The following SPTSSA variants were observed in gnomAD, a reference collection of about 807,000 sequenced individuals.
SPTSSA encodes the protein small subunit of serine palmitoyltransferase A.
SPTSSA carries 8 observed loss-of-function variants against 9.1 expected under a neutral mutation model. The observed-to-expected ratio is 0.88, with a 90% confidence interval of 0.51 to 1.58. The LOEUF (loss-of-function observed/expected upper bound fraction) is 1.58, where lower values mean the gene tolerates loss of function less well. Among genes scored for constraint, SPTSSA ranks in the 40% most tolerant of loss-of-function variants. The pLI, the probability that SPTSSA is intolerant of heterozygous loss-of-function variation, is 0.00. For missense variants in SPTSSA, 100 were observed against 93.8 expected, an observed-to-expected ratio of 1.07 and a Z score of -0.27; for synonymous variants, 42 against 37.7, an observed-to-expected ratio of 1.11 and a Z score of -0.41.
chr14:34,462,087 A>C lies in SPTSSA; in HGVS notation c.112+9T>G. On this transcript the variant is annotated intron_variant, in intron 1 of 1. Transcript: ENST00000298130. ...CCCGGCCCCCGCGCGCGCGGCCGGG[A>C]CAGGATACTGAACACCGTCCGCTCC... 2.1e-6 allele frequency: 3 copies of C among 1,448,758 alleles called. No homozygotes were observed. The highest frequency in any genetic ancestry group is 2.8e-6 in the Non-Finnish European group (3 of 1,089,184). 89.7% of individuals were successfully genotyped at this position (1,448,758 alleles called of 1,614,324 possible).
intron 1 of SPTSSA, among the ~76,000 whole-genome samples, chr14:34,446,357 T>C (rs1883422545): frequency 6.6e-6 from 1 of 152,228 alleles, no homozygotes; most frequent in Non-Finnish European, 1.5e-5. Flanking sequence ...GACTTTACTA[T>C]CATGAAACTC....
At chr14:34,452,088 A>C (rs973105853) in intron 1 of SPTSSA, among the ~76,000 whole-genome samples, 4 of 151,992 alleles carry the variant, frequency 2.6e-5, no homozygotes, top group African/African-American at 9.7e-5. Flanking sequence ...CAGACCAAAA[A>C]AAATACAAAA....
chr14:34,448,467 C>A (rs557624050), intron 1 of SPTSSA, among the ~76,000 whole-genome samples: 1 of 152,118 alleles, frequency 6.6e-6, no homozygotes, highest in African/African-American at 2.4e-5. Context: ...GAACATCAGG[C>A]CGATTCACAC....
intron 1 of SPTSSA, among the ~76,000 whole-genome samples, chr14:34,443,196 GGGGTGT>G (rs1278578389): frequency 0.012 from 197 of 16,780 alleles, 33 homozygotes; most frequent in Middle Eastern, 0.2. Flanking sequence ...TTTCCTCTAG[GGGGTGT>G]GTGTGTGTGT....
intron 1 of SPTSSA, among the ~76,000 whole-genome samples, chr14:34,441,831 ATT>A (rs113214812): frequency 0.02 from 2,884 of 141,220 alleles, 97 homozygotes; most frequent in African/African-American, 0.07. Context: ...GTCTTTTTCC[ATT>A]TTTTTTTTTC....
intron 1 of SPTSSA, among the ~76,000 whole-genome samples, chr14:34,443,843 C>T (rs1371070272): frequency 2.0e-5 from 3 of 151,994 alleles, no homozygotes; most frequent in African/African-American, 7.2e-5. Flanking sequence ...GCTGAGTATA[C>T]TTTCATAAAT....
intron 1 of SPTSSA, among the ~76,000 whole-genome samples, chr14:34,461,386 A>G (rs568179165): frequency 6.7e-6 from 1 of 149,724 alleles, no homozygotes; most frequent in South Asian, 2.1e-4. Context: ...TGCTTATAGT[A>G]ACCACTCAAT....
intron 1 of SPTSSA, among the ~76,000 whole-genome samples, chr14:34,448,634 C>T (rs997495721): frequency 1.3e-5 from 2 of 152,170 alleles, no homozygotes; most frequent in Admixed American, 6.5e-5. Context: ...TGTAACCGGG[C>T]CTTTGAGCCC....
intron 1 of SPTSSA, among the ~76,000 whole-genome samples, chr14:34,456,630 G>A (rs941531900): frequency 1.3e-5 from 2 of 152,038 alleles, no homozygotes; most frequent in Non-Finnish European, 2.9e-5. Flanking sequence ...AGGCGCGGTA[G>A]CTCATGCCTG....
At chr14:34,451,021 A>ATT (rs770553832) in intron 1 of SPTSSA, among the ~76,000 whole-genome samples, 2,294 of 142,558 alleles carry the variant, frequency 0.016, 60 homozygotes, top group African/African-American at 0.057. Context: ...AGAAATAAAG[A>ATT]TTTTTTTTTT....
chr14:34,458,816 A>C (rs1594627557), intron 1 of SPTSSA, among the ~76,000 whole-genome samples: 1 of 152,048 alleles, frequency 6.6e-6, no homozygotes. Context: ...TCAAGAAGCA[A>C]ATAATTTCTA....
chr14:34,438,062 C>T (rs933212710), intron 1 of SPTSSA, among the ~76,000 whole-genome samples: 6 of 152,144 alleles, frequency 3.9e-5, no homozygotes, highest in African/African-American at 1.2e-4. Context: ...CTCAGCCCCC[C>T]AAAGTGCTGA....
At chr14:34,460,073 T>G (rs1566427906) in intron 1 of SPTSSA, among the ~76,000 whole-genome samples, 1 of 152,138 alleles carries the variant, frequency 6.6e-6, no homozygotes, top group Non-Finnish European at 1.5e-5. Flanking sequence ...AAAATCCAGT[T>G]TTCTCATTCA....
chr14:34,456,198 T>G (rs913896741), intron 1 of SPTSSA, among the ~76,000 whole-genome samples: 2 of 151,912 alleles, frequency 1.3e-5, no homozygotes, highest in Non-Finnish European at 2.9e-5. Flanking sequence ...GGTGGGTGCC[T>G]GTTATCCCAG....
intron 1 of SPTSSA, among the ~76,000 whole-genome samples, chr14:34,452,374 G>C (rs761267681): frequency 6.6e-6 from 1 of 151,792 alleles, no homozygotes; most frequent in Non-Finnish European, 1.5e-5. Flanking sequence ...TACTGTCACA[G>C]TCCTCTGTAT....
rs1275787024 is a variant in SPTSSA, at chr14:34,458,835, T to C, written c.112+3261A>G. On this transcript the variant is annotated intron_variant, in intron 1 of 1. Transcript: ENST00000298130. ...GAAGCAAATAATTTCTAAACATCCATTCAGATGCTCAAGGATGCCCCTGGA... is the reference window on the plus strand; with the variant it reads ...GAAGCAAATAATTTCTAAACATCCACTCAGATGCTCAAGGATGCCCCTGGA... Among the ~76,000 whole-genome samples, 11 of 152,036 alleles carry C rather than the reference T, an allele frequency of 7.2e-5. No homozygotes were observed. In the East Asian group the frequency reaches 2.1e-3, roughly 29 times the overall value.
rs1220305394 is a variant in SPTSSA, at chr14:34,433,523, A to G, written c.*1678T>C. The G allele has an allele frequency of 6.6e-6, 1 of 152,114 alleles. No individual in the cohort carries two copies. Among genetic ancestry groups the G allele is most frequent in the Non-Finnish European group, 1.5e-5 (1 of 68,012 alleles). 9.4% of individuals were successfully genotyped at this position (152,114 alleles called of 1,614,324 possible). Reference sequence around the variant, plus strand: ...CCATATCCAATTTTTAACTACTTCAAACCAAGTAATTCCATATTATTCTCA... The same window carrying G: ...CCATATCCAATTTTTAACTACTTCAGACCAAGTAATTCCATATTATTCTCA... On this transcript the variant is annotated 3_prime_UTR_variant, in exon 2 of 2. Transcript: ENST00000298130.
At chr14:34,458,995 C>A (rs1878554228) in intron 1 of SPTSSA, among the ~76,000 whole-genome samples, 1 of 150,774 alleles carries the variant, frequency 6.6e-6, no homozygotes, top group Non-Finnish European at 1.5e-5. Flanking sequence ...ACCTCCGCCT[C>A]CCGGGTTCAA....
intron 1 of SPTSSA, among the ~76,000 whole-genome samples, chr14:34,456,460 G>C (rs1316570927): frequency 6.6e-6 from 1 of 152,106 alleles, no homozygotes; most frequent in Non-Finnish European, 1.5e-5. Context: ...TGTCTTTCAG[G>C]GTGAATCTAA....
Sources: gnomAD v4.1 joint callset for allele counts (sites outside exome capture counted in the v4.1 genomes callset) on GRCh38, gnomAD v4.1.1 for gene constraint, MANE v1.5 for transcripts, NCBI Gene and HGNC (gene_info 2026-07-23, HGNC 2026-07-21) for gene names.